Variants in SEMA6D observed in about 807,000 individuals in gnomAD.
The protein encoded by SEMA6D is semaphorin-6D.
A neutral mutation model predicts 106.6 loss-of-function variants in SEMA6D; 35 were observed. The observed-to-expected ratio is 0.33, with a 90% confidence interval of 0.25 to 0.44. SEMA6D has a LOEUF of 0.44. Among genes scored for constraint, SEMA6D ranks in the 20% least tolerant of loss-of-function variants. The pLI, the probability that SEMA6D is intolerant of heterozygous loss-of-function variation, is 1.00. For missense variants in SEMA6D, 1,185 were observed against 1,345.9 expected, an observed-to-expected ratio of 0.88 and a Z score of 1.87; for synonymous variants, 499 against 487.7, an observed-to-expected ratio of 1.02 and a Z score of -0.31.
chr15:47,511,833 C>G (rs1322075258), intron 3 of SEMA6D, among the ~76,000 whole-genome samples: 1 of 152,002 alleles, frequency 6.6e-6, no homozygotes. Context: ...CTTTTGGCAC[C>G]CCTCAGGCCA....
intron 4 of SEMA6D, among the ~76,000 whole-genome samples, chr15:47,612,280 T>C (rs2076922515): frequency 6.6e-6 from 1 of 152,186 alleles, no homozygotes. Context: ...ACCTAAGGGC[T>C]CATGGTGACT....
At chr15:47,493,983 C>T (rs902472746) in intron 3 of SEMA6D, among the ~76,000 whole-genome samples, 28 of 152,260 alleles carry the variant, frequency 1.8e-4, no homozygotes, top group African/African-American at 6.5e-4. Flanking sequence ...ATGAAAACTT[C>T]AACAAGGCAA....
intron 1 of SEMA6D, among the ~76,000 whole-genome samples, chr15:47,292,643 T>C (rs758953592): frequency 6.6e-6 from 1 of 152,130 alleles, no homozygotes; most frequent in Non-Finnish European, 1.5e-5. Context: ...GATTTCCATG[T>C]AAGGGATACA....
chr15:47,414,521 A>G (rs2040898921), intron 2 of SEMA6D, among the ~76,000 whole-genome samples: 1 of 152,214 alleles, frequency 6.6e-6, no homozygotes, highest in Non-Finnish European at 1.5e-5. Context: ...GAAGTGGCCT[A>G]CAACTCACAT....
intron 2 of SEMA6D, among the ~76,000 whole-genome samples, chr15:47,422,334 A>G (rs2041198716): frequency 6.6e-6 from 1 of 151,982 alleles, no homozygotes; most frequent in African/African-American, 2.4e-5. Flanking sequence ...AAGTATGTAC[A>G]ATGAAACTCC....
chr15:47,671,585 A>G (rs200937000), intron 4 of SEMA6D, among the ~76,000 whole-genome samples: 1 of 152,330 alleles, frequency 6.6e-6, no homozygotes, highest in East Asian at 1.9e-4. Flanking sequence ...GCTTCAGTTG[A>G]TAAGGAATCT....
intron 1 of SEMA6D, among the ~76,000 whole-genome samples, chr15:47,313,689 C>T (rs182161528): frequency 7.9e-5 from 12 of 152,116 alleles, no homozygotes; most frequent in African/African-American, 1.4e-4. Flanking sequence ...CTCAGCCTTC[C>T]GTGTAGCTGA....
intron 4 of SEMA6D, among the ~76,000 whole-genome samples, chr15:47,641,040 C>G (rs1157198372): frequency 6.6e-6 from 1 of 152,172 alleles, no homozygotes; most frequent in Non-Finnish European, 1.5e-5. Flanking sequence ...CAGTGGTCGT[C>G]CTTTTCAAAG....
chr15:47,458,900 A>G (rs2042420051), intron 2 of SEMA6D, among the ~76,000 whole-genome samples: 1 of 152,072 alleles, frequency 6.6e-6, no homozygotes, highest in Non-Finnish European at 1.5e-5. Context: ...ATTAATAAAG[A>G]ATATCAGTAT....
intron 1 of SEMA6D, among the ~76,000 whole-genome samples, chr15:47,253,391 A>G (rs62014028): frequency 0.012 from 1,779 of 151,996 alleles, 34 homozygotes; most frequent in Admixed American, 0.012. Context: ...TTTTGCTTTT[A>G]TTGCCTGTGC....
chr15:47,667,892 G>T (rs988478701), intron 4 of SEMA6D, among the ~76,000 whole-genome samples: 1 of 152,180 alleles, frequency 6.6e-6, no homozygotes, highest in Non-Finnish European at 1.5e-5. Flanking sequence ...ACTGATGCAG[G>T]TTCCCAGAGT....
rs67662241 is a variant in SEMA6D, at chr15:47,436,758, TA to T, written c.-159+24297del. 9.2e-3 allele frequency among the ~76,000 whole-genome samples: 1,172 copies of T among 127,444 alleles called. 9 individuals carry two copies. Among genetic ancestry groups the T allele is most frequent in the African/African-American group, 0.02 (704 of 34,926 alleles). 83.6% of individuals were successfully genotyped at this position (127,444 alleles called of 152,430 possible). On this transcript the variant is annotated intron_variant, in intron 2 of 19. Transcript: ENST00000558014. The stretch of plus-strand genomic sequence containing the variant: ...ACAGCCTGGGCAGTCCTATCTCTAT[TA>T]AAAAAAAAAATATATATATATATAT...
At chr15:47,556,705 A>G (rs1435750) in intron 3 of SEMA6D, among the ~76,000 whole-genome samples, 1 of 152,136 alleles carries the variant, frequency 6.6e-6, no homozygotes, top group Admixed American at 6.6e-5. Flanking sequence ...CACTGCTTTT[A>G]CCTGCTGTGG....
intron 4 of SEMA6D, among the ~76,000 whole-genome samples, chr15:47,690,925 G>A (rs1485573750): frequency 6.6e-6 from 1 of 152,088 alleles, no homozygotes. Flanking sequence ...TTAGTTTCAT[G>A]TCGCCTTAGT....
chr15:47,558,215 C>G (rs1199389745), intron 3 of SEMA6D, among the ~76,000 whole-genome samples: 5 of 152,062 alleles, frequency 3.3e-5, no homozygotes, highest in African/African-American at 4.8e-5. Flanking sequence ...TCATTATATT[C>G]TACAAACTGA....
intron 4 of SEMA6D, among the ~76,000 whole-genome samples, chr15:47,636,656 G>T (rs2077394150): frequency 6.6e-6 from 1 of 152,086 alleles, no homozygotes; most frequent in Non-Finnish European, 1.5e-5. Flanking sequence ...TCACAGCGAA[G>T]GCAAGATATT....
chr15:47,728,447 T>C (rs2079905030), intron 1 of SEMA6D, among the ~76,000 whole-genome samples: 1 of 152,186 alleles, frequency 6.6e-6, no homozygotes, highest in African/African-American at 2.4e-5. Flanking sequence ...ATTTATTGAG[T>C]TCTTAATCTG....
chr15:47,621,149 A>G (rs1382956357), intron 4 of SEMA6D, among the ~76,000 whole-genome samples: 1 of 152,174 alleles, frequency 6.6e-6, no homozygotes, highest in Admixed American at 6.5e-5. Context: ...CATTTTCTCA[A>G]ACTTCCCCTA....
At chr15:47,354,796 A>G (rs1290302092) in intron 1 of SEMA6D, among the ~76,000 whole-genome samples, 1 of 151,948 alleles carries the variant, frequency 6.6e-6, no homozygotes. Flanking sequence ...TGCAATCCAC[A>G]CTGTCTCTCC....
Sources: gnomAD v4.1 joint callset for allele counts (sites outside exome capture counted in the v4.1 genomes callset) on GRCh38, gnomAD v4.1.1 for gene constraint, MANE v1.5 for transcripts, NCBI Gene and HGNC (gene_info 2026-07-23, HGNC 2026-07-21) for gene names.